DHODH: variants seen among roughly 807,000 people sequenced by gnomAD.
The protein encoded by DHODH is dihydroorotate dehydrogenase (quinone), mitochondrial.
DHODH carries 30 observed loss-of-function variants against 39.7 expected under a neutral mutation model. The observed-to-expected ratio is 0.76, with a 90% CI of 0.57 to 1.02. The LOEUF (loss-of-function observed/expected upper bound fraction) is 1.02, where lower values mean the gene tolerates loss of function less well. Ranked by LOEUF, DHODH falls within the 50% of genes least tolerant of loss-of-function variation. The pLI, the probability that DHODH is intolerant of heterozygous loss-of-function variation, is 0.00. For missense variants in DHODH, 531 were observed against 520.8 expected (o/e 1.02, Z -0.19); for synonymous variants, 222 against 213.8 (o/e 1.04, Z -0.34).
chr16:72,017,493 T>C (rs1381743040), intron 4 of DHODH, among the ~76,000 whole-genome samples: 1 of 152,184 alleles, frequency 6.6e-6, no homozygotes, highest in African/African-American at 2.4e-5. Context: ...ATAATGTTCA[T>C]TAATTATAGA....
chr16:72,021,793 G>C (rs2041220480), intron 5 of DHODH, among the ~76,000 whole-genome samples: 1 of 152,066 alleles, frequency 6.6e-6, no homozygotes, highest in Admixed American at 6.5e-5. Context: ...GCAAGACCCT[G>C]TCTCTACAAA....
intron 3 of DHODH, 132 bp from the exon 4 acceptor site, chr16:72,016,892 G>T (rs975151700): frequency 1.2e-5 from 9 of 781,118 alleles, no homozygotes; most frequent in Non-Finnish European, 1.8e-5. Flanking sequence ...AGTCCCAGTG[G>T]TGTTTAGACC....
intron 4 of DHODH, chr16:72,020,332 T>TATATATATATATAC (rs1408558173): frequency 3.7e-5 from 1 of 26,834 alleles, no homozygotes; most frequent in Admixed American, 6.5e-4. Context: ...TATATGTGTA[T>TATATATATATATAC]ATATATATAT....
chr16:72,024,203 C>G lies in DHODH; in HGVS notation c.*4C>G. ...TGGAGCAGATCATCGGAGGTGAGGACAGCGTCTGACGGGAAGCCTGATCTG... is the reference window on the plus strand; with the variant it reads ...TGGAGCAGATCATCGGAGGTGAGGAGAGCGTCTGACGGGAAGCCTGATCTG... On this transcript the variant is annotated 3_prime_UTR_variant, in exon 9 of 9. Transcript: ENST00000219240. 6.2e-7 allele frequency: 1 copy of G among 1,614,130 alleles called. No individual in the cohort carries two copies. Among genetic ancestry groups the G allele is most frequent in the Non-Finnish European group, 8.5e-7 (1 of 1,179,994 alleles).
rs1340671440 is a variant in DHODH, at chr16:72,024,884, G to C, written c.*685G>C. 1 of 152,968 alleles carries C rather than the reference G, an allele frequency of 6.5e-6. No individual in the cohort carries two copies. The highest frequency in any genetic ancestry group is 2.4e-5 in the African/African-American group (1 of 41,462). 9.5% of individuals were successfully genotyped at this position (152,968 alleles called of 1,614,324 possible). A position where few individuals can be genotyped will look rare whatever the true frequency, so the allele number is the denominator to read the frequency against. On this transcript the variant is annotated 3_prime_UTR_variant, in exon 9 of 9. Coordinates refer to ENST00000219240, the MANE Select transcript of DHODH (RefSeq NM_001361.5). ...CTCGGGAGGCTGAGGCAGGAGAATT[G>C]CTTGAACCTGGGAGGCGGAGGTTGC... is the stretch of plus-strand genomic sequence containing the variant.
At chr16:72,014,722 G>A in intron 3 of DHODH, 50 bp downstream of exon 3, 1 of 1,575,442 alleles carries the variant, frequency 6.3e-7, no homozygotes, top group Non-Finnish European at 8.7e-7. Context: ...TCCAGCTGGG[G>A]GCGTTCAGAG....
At chr16:72,020,329 G>GTATATATATATATATATATATATGTGTA (rs2041191249) in intron 4 of DHODH, 1 of 102,202 alleles carries the variant, frequency 9.8e-6, no homozygotes, top group African/African-American at 4.5e-5. Context: ...ATGTATATGT[G>GTATATATATATATATATATATATGTGTA]TATATATATA....
intron 4 of DHODH, among the ~76,000 whole-genome samples, chr16:72,019,425 T>C (rs1329141076): frequency 2.0e-5 from 3 of 152,326 alleles, no homozygotes; most frequent in East Asian, 3.9e-4. Context: ...AGCTACTTGG[T>C]GTTCTAATTC....
intron 1 of DHODH, among the ~76,000 whole-genome samples, chr16:72,011,685 C>A (rs923317478): frequency 2.0e-5 from 3 of 152,220 alleles, no homozygotes; most frequent in Admixed American, 1.3e-4. Context: ...TGGGGCAGTT[C>A]ATGTCAGATA....
chr16:72,014,938 A>G (rs1226519088), intron 3 of DHODH, among the ~76,000 whole-genome samples: 1 of 152,226 alleles, frequency 6.6e-6, no homozygotes, highest in African/African-American at 2.4e-5. Flanking sequence ...GATAATAAGC[A>G]GGAGAGCTTG....
Position 72,008,750 on chromosome 16 carries a change from A to G in DHODH, c.-15A>G, listed in dbSNP as rs1371419426. 1 of 1,551,466 alleles carries G rather than the reference A, an allele frequency of 6.4e-7. No individual in the cohort carries two copies. Among genetic ancestry groups the G allele is most frequent in the African/African-American group, 1.4e-5 (1 of 73,034 alleles). On this transcript the variant is annotated 5_prime_UTR_variant, in exon 1 of 9. Transcript: ENST00000219240. ...ATGGAAGGGAGACAGGGGCGGGCTTAATGACGGAAGGAGCATGGCGTGGAG... is the reference window on the plus strand; with the variant it reads ...ATGGAAGGGAGACAGGGGCGGGCTTGATGACGGAAGGAGCATGGCGTGGAG...
intron 4 of DHODH, chr16:72,020,351 ATATGTGTATATATATATATATTTTT>A (rs2041195470): frequency 8.5e-6 from 1 of 117,542 alleles, no homozygotes; most frequent in African/African-American, 3.9e-5. Flanking sequence ...ATATATATAT[ATATGTGTATATATATATATATTTTT>A]TTTTTTTTTC....
chr16:72,027,361 C>T lies in DHODH; in HGVS notation c.*3162C>T, dbSNP rs1051108885. The T allele has an allele frequency of 6.6e-6, 1 of 152,182 alleles. No individual in the cohort carries two copies. 9.4% of individuals were successfully genotyped at this position (152,182 alleles called of 1,614,324 possible). A position where few individuals can be genotyped will look rare whatever the true frequency, so the allele number is the denominator to read the frequency against. ...GGCCAGGCTGGTCTCGAACCCCTGACCTCAAGCAATCCACCCACCTTGGCC... is the reference window on the plus strand; with the variant it reads ...GGCCAGGCTGGTCTCGAACCCCTGATCTCAAGCAATCCACCCACCTTGGCC... On this transcript the variant is annotated 3_prime_UTR_variant, in exon 9 of 9. Coordinates refer to ENST00000219240, the MANE Select transcript of DHODH (RefSeq NM_001361.5).
rs763081976 is a variant in DHODH, at chr16:72,017,116, G to A, written c.517+10G>A. On this transcript the variant is annotated intron_variant, in intron 4 of 8. Transcript: ENST00000219240. ...GCCAAGCTCACAGAAGGTAAAGTGG[G>A]GTTGTGTCAGTGGGCCTTTCTTATT... 1 of 1,613,732 alleles carries A rather than the reference G, an allele frequency of 6.2e-7. No homozygotes were observed. Among genetic ancestry groups the A allele is most frequent in the Non-Finnish European group, 8.5e-7 (1 of 1,179,692 alleles).
chr16:72,022,281 A>G (rs2041227068), intron 5 of DHODH, 81 bp from the exon 6 acceptor site: 1 of 1,011,668 alleles, frequency 9.9e-7, no homozygotes. Context: ...GTGGAAACCC[A>G]CTGACCTGCA....
In DHODH at chr16:72,014,612, AG is replaced by A; in HGVS notation, c.376del (p.Glu126LysfsTer85). 1 of 1,614,232 alleles carries A rather than the reference AG, an allele frequency of 6.2e-7. No homozygotes were observed. Among genetic ancestry groups the A allele is most frequent in the South Asian group, 1.1e-5 (1 of 91,090 alleles). On this transcript the variant is annotated frameshift_variant, in exon 3 of 9. Transcript: ENST00000219240. LOFTEE classifies it high-confidence loss of function. ...VEIGSVTPKP[Q>X]EGNPRPRVFR... ...ATAGGAAGTGTGACTCCAAAACCTCAGGAAGGAAACCCTAGACCCAGAGTCT... is the reference window on the plus strand; with the variant it reads ...ATAGGAAGTGTGACTCCAAAACCTCAGAAGGAAACCCTAGACCCAGAGTCT...
chr16:72,016,474 A>C (rs1158288414), intron 3 of DHODH: 1 of 177,032 alleles, frequency 5.6e-6, no homozygotes, highest in African/African-American at 2.4e-5. Context: ...AGAAGATTGT[A>C]ACCTAGGGAC....
chr16:72,022,060 C>T (rs1364796093), intron 5 of DHODH, among the ~76,000 whole-genome samples: 2 of 148,680 alleles, frequency 1.3e-5, no homozygotes, highest in Non-Finnish European at 3.0e-5. Context: ...TGCTACTACA[C>T]TCCAGTGTGG....
At chr16:72,016,969 G>C in intron 3 of DHODH, 55 bp from the exon 4 acceptor site, 1 of 1,504,720 alleles carries the variant, frequency 6.6e-7, no homozygotes. Flanking sequence ...AAGTGTATGG[G>C]AAGTGGCTAT....
Sources: gnomAD v4.1 joint callset for allele counts (sites outside exome capture counted in the v4.1 genomes callset) on GRCh38, gnomAD v4.1.1 for gene constraint, MANE v1.5 for transcripts, NCBI Gene and HGNC (gene_info 2026-07-23, HGNC 2026-07-21) for gene names.